NCKAP1: variants seen among roughly 807,000 people sequenced by gnomAD.
NCKAP1 encodes the protein NCK associated protein 1, also known as nck-associated protein 1.
In NCKAP1, 21 loss-of-function variants were observed where a neutral mutation model predicts 151.2. The ratio of observed to expected loss-of-function variants is 0.14; its 90% CI spans 0.10 to 0.20. The LOEUF (loss-of-function observed/expected upper bound fraction) is 0.20, where lower values mean the gene tolerates loss of function less well. Ranked by LOEUF, NCKAP1 falls within the 10% of genes least tolerant of loss-of-function variation. The probability of loss-of-function intolerance (pLI) is 1.00; values close to 1 mark genes in which losing one functional copy is unlikely to be tolerated. For missense variants in NCKAP1, 933 were observed against 1,352.1 expected, an observed-to-expected ratio of 0.69 and a Z score of 4.86; for synonymous variants, 484 against 451.8, an observed-to-expected ratio of 1.07 and a Z score of -0.90.
chr2:183,008,306 T>C (rs1698520295), intron 2 of NCKAP1, among the ~76,000 whole-genome samples: 1 of 152,208 alleles, frequency 6.6e-6, no homozygotes. Flanking sequence ...TAACAGCACG[T>C]GAAGAATACA....
rs1368071757 is a variant in NCKAP1, at chr2:182,921,071, A to G, written c.*4631T>C. The G allele has an allele frequency of 6.6e-6, 1 of 152,168 alleles. No individual in the cohort carries two copies. The highest frequency in any genetic ancestry group is 1.5e-5 in the Non-Finnish European group (1 of 68,026). 9.4% of individuals were successfully genotyped at this position (152,168 alleles called of 1,614,324 possible). A position where few individuals can be genotyped will look rare whatever the true frequency, so the allele number is the denominator to read the frequency against. On this transcript the variant is annotated 3_prime_UTR_variant, in exon 31 of 31. Transcript: ENST00000361354. ...TCCCAGAGTTGAAGAAAACACTTTT[A>G]GTCAGTTACTAATGGAGAAAAAATA... is the stretch of plus-strand genomic sequence containing the variant.
intron 6 of NCKAP1, among the ~76,000 whole-genome samples, chr2:182,999,996 A>G (rs1698347163): frequency 6.6e-6 from 1 of 152,176 alleles, no homozygotes; most frequent in South Asian, 2.1e-4. Flanking sequence ...TGGGGACTCC[A>G]GAAGTGGGAA....
intron 1 of NCKAP1, among the ~76,000 whole-genome samples, chr2:183,026,486 C>CT: frequency 7.6e-6 from 1 of 132,034 alleles, no homozygotes; most frequent in African/African-American, 2.9e-5. Flanking sequence ...AAACTAAAAA[C>CT]TAAAAAAAAA....
chr2:183,004,793 A>AGTCTT (rs1487836129), intron 2 of NCKAP1, among the ~76,000 whole-genome samples: 1 of 151,752 alleles, frequency 6.6e-6, no homozygotes, highest in East Asian at 1.9e-4. Flanking sequence ...CTGAGACAGG[A>AGTCTT]GAATCGCTTG....
intron 1 of NCKAP1, among the ~76,000 whole-genome samples, chr2:183,028,773 T>C (rs1322668936): frequency 1.3e-5 from 2 of 152,176 alleles, no homozygotes; most frequent in African/African-American, 2.4e-5. Flanking sequence ...TTTATATACA[T>C]GGATACACAT....
chr2:182,910,948 G>GCACCCCCCCCCCCCCC lies in NCKAP1; in HGVS notation c.*14753_*14754insGGGGGGGGGGGGGGTG, dbSNP rs5836857. On this transcript the variant is annotated 3_prime_UTR_variant, in exon 31 of 31. Coordinates refer to ENST00000361354, the MANE Select transcript of NCKAP1 (RefSeq NM_013436.5). ...CTTGGAAATAAAAATAAAATCCTAAGCTCCCCCCCCACATTTGACTAAACA... is the reference window on the plus strand; with the variant it reads ...CTTGGAAATAAAAATAAAATCCTAAGCACCCCCCCCCCCCCCCTCCCCCCCCACATTTGACTAAACA... The GCACCCCCCCCCCCCCC allele has an allele frequency of 8.5e-6, 1 of 117,886 alleles. No individual in the cohort carries two copies. The highest frequency in any genetic ancestry group is 2.9e-5 in the African/African-American group (1 of 34,818). 7.3% of individuals were successfully genotyped at this position (117,886 alleles called of 1,614,324 possible). A position where few individuals can be genotyped will look rare whatever the true frequency, so the allele number is the denominator to read the frequency against.
chr2:182,942,958 C>T (rs547707319), intron 23 of NCKAP1, among the ~76,000 whole-genome samples: 1 of 152,266 alleles, frequency 6.6e-6, no homozygotes, highest in East Asian at 1.9e-4. Context: ...CTCTTTGTTG[C>T]AGTTACCTGT....
At chr2:182,972,702 A>G (rs1213512838) in intron 15 of NCKAP1, among the ~76,000 whole-genome samples, 7 of 152,200 alleles carry the variant, frequency 4.6e-5, no homozygotes, top group Non-Finnish European at 1.0e-4. Flanking sequence ...TATATACACA[A>G]TGGAATATTA....
chr2:182,948,905 C>T (rs1245509979), intron 23 of NCKAP1, among the ~76,000 whole-genome samples: 1 of 152,170 alleles, frequency 6.6e-6, no homozygotes, highest in Non-Finnish European at 1.5e-5. Context: ...GAAACTCATT[C>T]TTGGTTCAGG....
chr2:182,957,585 C>T lies in NCKAP1; in HGVS notation c.1893G>A (p.Lys631=), dbSNP rs1462584417. 1.9e-6 allele frequency: 3 copies of T among 1,610,962 alleles called. No individual in the cohort carries two copies. Among genetic ancestry groups the T allele is most frequent in the African/African-American group, 1.3e-5 (1 of 74,666 alleles). The change falls in exon 19 of 31, where the codon AAG becomes AAA. Residue 631 remains lysine (K), a synonymous_variant. Coordinates refer to ENST00000361354, the MANE Select transcript of NCKAP1 (RefSeq NM_013436.5). ...QCTLSDQLLP[K]HCAKTISQAV... ...CTTGACTGATAGTTTTGGCACAATG[C>T]TTGGGTAGCAACTAAATTTAGAAAA...
chr2:182,964,560 AT>A, intron 17 of NCKAP1, 115 bp downstream of exon 17: 1 of 726,692 alleles, frequency 1.4e-6, no homozygotes. Flanking sequence ...CTGCATAGAG[AT>A]GTATTCGATG....
chr2:182,980,643 T>C (rs1035852118), intron 13 of NCKAP1, among the ~76,000 whole-genome samples: 5 of 152,012 alleles, frequency 3.3e-5, no homozygotes, highest in Non-Finnish European at 5.9e-5. Flanking sequence ...GGAAAAAAAA[T>C]TGGACATTTA....
intron 18 of NCKAP1, 31 bp from the exon 19 acceptor site, chr2:182,957,627 T>C (rs762006110): frequency 1.5e-5 from 24 of 1,601,900 alleles, no homozygotes; most frequent in Middle Eastern, 1.7e-4. Flanking sequence ...AATCTTACAT[T>C]ACACCAATTA....
intron 20 of NCKAP1, among the ~76,000 whole-genome samples, chr2:182,955,395 T>A (rs930080146): frequency 6.6e-6 from 1 of 152,274 alleles, no homozygotes; most frequent in African/African-American, 2.4e-5. Context: ...AATAAAAATT[T>A]TCATGAATAA....
intron 2 of NCKAP1, among the ~76,000 whole-genome samples, chr2:183,009,195 GA>G (rs1219400289): frequency 6.6e-6 from 1 of 152,118 alleles, no homozygotes; most frequent in Non-Finnish European, 1.5e-5. Flanking sequence ...ACAACATGGT[GA>G]AACTCCATCT....
Position 183,038,243 on chromosome 2 carries a change from A to G in NCKAP1, c.-144T>C. The stretch of plus-strand genomic sequence containing the variant: ...AGCGCGCCCATGGCCCTCGCGCCCC[A>G]ATCCCGCGCCGGCGACAGAGCGAGC... On this transcript the variant is annotated 5_prime_UTR_variant, in exon 1 of 31. Transcript: ENST00000361354. 1 of 479,754 alleles carries G rather than the reference A, an allele frequency of 2.1e-6. No homozygotes were observed. The highest frequency in any genetic ancestry group is 3.5e-6 in the Non-Finnish European group (1 of 286,896). 29.7% of individuals were successfully genotyped at this position (479,754 alleles called of 1,614,324 possible).
chr2:182,914,490 A>C lies in NCKAP1; in HGVS notation c.*11212T>G, dbSNP rs1263580169. The C allele has an allele frequency of 6.3e-5, 1 of 15,926 alleles. No individual in the cohort carries two copies. Among genetic ancestry groups the C allele is most frequent in the Non-Finnish European group, 2.3e-4 (1 of 4,352 alleles). The allele number at this position is 15,926 out of a possible 1,614,324, so 1.0% of individuals were successfully genotyped here. A position where few individuals can be genotyped will look rare whatever the true frequency, so the allele number is the denominator to read the frequency against. ...AACTCAGCATATCAAGCTTTAAAAAACCAATTAAAAAATTAAAAGAGGAAA... is the reference window on the plus strand; with the variant it reads ...AACTCAGCATATCAAGCTTTAAAAACCCAATTAAAAAATTAAAAGAGGAAA... On this transcript the variant is annotated 3_prime_UTR_variant, in exon 31 of 31. Coordinates refer to ENST00000361354, the MANE Select transcript of NCKAP1 (RefSeq NM_013436.5).
chr2:182,975,133 C>T (rs1484468672), intron 15 of NCKAP1, among the ~76,000 whole-genome samples: 1 of 152,268 alleles, frequency 6.6e-6, no homozygotes, highest in East Asian at 1.9e-4. Context: ...CATGTATATC[C>T]TTTGGCAGAG....
At chr2:183,027,876 A>T (rs978806504) in intron 1 of NCKAP1, among the ~76,000 whole-genome samples, 3 of 152,212 alleles carry the variant, frequency 2.0e-5, no homozygotes, top group Non-Finnish European at 2.9e-5. Flanking sequence ...CTATTGGTAT[A>T]CTTGAAATCA....
Sources: gnomAD v4.1 joint callset for allele counts (sites outside exome capture counted in the v4.1 genomes callset) on GRCh38, gnomAD v4.1.1 for gene constraint, MANE v1.5 for transcripts, NCBI Gene and HGNC (gene_info 2026-07-23, HGNC 2026-07-21) for gene names.